Variants in GPR89A observed in about 807,000 individuals in gnomAD.
The protein encoded by GPR89A is golgi pH regulator A, also known as G protein-coupled receptor 89A.
In GPR89A, 16 loss-of-function variants were observed where a neutral mutation model predicts 52.0. That is an observed-to-expected ratio of 0.31 (90% CI 0.21 to 0.47). GPR89A has a LOEUF of 0.47. Among genes scored for constraint, GPR89A ranks in the 20% least tolerant of loss-of-function variants. The pLI is 1.00. For missense variants in GPR89A, 135 were observed against 449.4 expected (o/e 0.30, Z 6.33); for synonymous variants, 55 against 150.9 (o/e 0.36, Z 4.66).
intron 10 of GPR89A, among the ~76,000 whole-genome samples, chr1:145,649,763 C>G (rs1571523905): frequency 1.3e-5 from 2 of 149,886 alleles, no homozygotes; most frequent in Admixed American, 6.7e-5. Flanking sequence ...TACATTTCCA[C>G]CTGCACTGTG....
At chr1:145,636,881 C>T (rs1397515643) in intron 7 of GPR89A, among the ~76,000 whole-genome samples, 2 of 152,156 alleles carry the variant, frequency 1.3e-5, no homozygotes, top group Admixed American at 6.5e-5. Context: ...CCAGCACCCA[C>T]TCAAGTGTAC....
intron 9 of GPR89A, chr1:145,646,679 CTG>C (rs1184829857): frequency 8.7e-6 from 2 of 229,240 alleles, no homozygotes; most frequent in African/African-American, 4.6e-5. Context: ...AGTGTCGAAA[CTG>C]TAAGAAGTAA....
chr1:145,658,460 A>G (rs1651962835), intron 10 of GPR89A, among the ~76,000 whole-genome samples: 1 of 151,612 alleles, frequency 6.6e-6, no homozygotes, highest in Non-Finnish European at 1.5e-5. Flanking sequence ...TCCCCGACAC[A>G]CACACACACA....
chr1:145,616,149 G>A, intron 1 of GPR89A, 85 bp from the exon 2 acceptor site: 1 of 792,502 alleles, frequency 1.3e-6, no homozygotes, highest in Middle Eastern at 2.4e-4. Flanking sequence ...CGTCTAGTTA[G>A]CAGACCTTTT....
At chr1:145,620,177 G>A (rs56109613) in intron 3 of GPR89A, among the ~76,000 whole-genome samples, 77,786 of 151,776 alleles carry the variant, frequency 0.51, 21,957 homozygotes, top group African/African-American at 0.76. Flanking sequence ...GGGTTGGCAG[G>A]CTTTCTTCTG....
chr1:145,626,574 A>G (rs1180246376), intron 5 of GPR89A, among the ~76,000 whole-genome samples: 10 of 152,002 alleles, frequency 6.6e-5, no homozygotes, highest in Non-Finnish European at 1.5e-4. Context: ...GTAGCTGAGA[A>G]GCAACCAGCC....
chr1:145,650,953 C>T, intron 10 of GPR89A, among the ~76,000 whole-genome samples: 1 of 151,814 alleles, frequency 6.6e-6, no homozygotes, highest in East Asian at 1.9e-4. Context: ...TGTCTGTTCA[C>T]CCTGATGATA....
chr1:145,613,525 C>G (rs1341081863), intron 1 of GPR89A, among the ~76,000 whole-genome samples: 4 of 152,168 alleles, frequency 2.6e-5, no homozygotes, highest in South Asian at 2.1e-4. Context: ...CTTAAATAAC[C>G]CTCATCACCT....
In GPR89A at chr1:145,616,246, G is replaced by T. The variant is rs782563318; in HGVS notation, c.55G>T (p.Gly19Ter). The change falls in exon 2 of 14, where the codon GGA (glycine) becomes TGA (stop). Residue 19 changes from glycine to a stop codon, truncating the protein, a stop_gained. Coordinates refer to ENST00000313835, the MANE Select transcript of GPR89A (RefSeq NM_001097612.2). LOFTEE classifies it high-confidence loss of function. The part of the protein sequence containing the change: ...IMITSQILFF[G>*]FGWLFFMRQL... The stretch of plus-strand genomic sequence containing the variant: ...CTTTCTCCTCCAGATACTATTTTTT[G>T]GATTTGGGTGGCTTTTCTTCATGCG... 3.1e-6 allele frequency: 5 copies of T among 1,609,056 alleles called. No individual in the cohort carries two copies. The South Asian group carries it at 5.5e-5, about 18-fold the overall frequency.
intron 1 of GPR89A, among the ~76,000 whole-genome samples, chr1:145,615,662 A>G (rs1348652232): frequency 3.6e-5 from 4 of 111,358 alleles, no homozygotes; most frequent in African/African-American, 7.2e-5. Flanking sequence ...GTCTCACTCT[A>G]TCACCCAGGC....
intron 3 of GPR89A, among the ~76,000 whole-genome samples, chr1:145,621,748 A>G (rs1649153891): frequency 6.6e-6 from 1 of 152,140 alleles, no homozygotes; most frequent in South Asian, 2.1e-4. Flanking sequence ...TAATACAATT[A>G]AAAAATGAAT....
intron 3 of GPR89A, among the ~76,000 whole-genome samples, chr1:145,619,471 G>A (rs1482242664): frequency 5.9e-5 from 9 of 152,118 alleles, no homozygotes; most frequent in African/African-American, 1.9e-4. Context: ...AATTAGCAGA[G>A]TGTGGTAGTA....
rs782334927 is a variant in GPR89A, at chr1:145,608,317, G to T, written c.42+142G>T. On this transcript the variant is annotated intron_variant, in intron 1 of 13. Coordinates refer to ENST00000313835, the MANE Select transcript of GPR89A (RefSeq NM_001097612.2). Reference sequence around the variant, plus strand: ...CTAGTCACTCTGGCACCCAGAGAGGGTGTGCGATTTGCTGCGGCCGGTTCC... The same window carrying T: ...CTAGTCACTCTGGCACCCAGAGAGGTTGTGCGATTTGCTGCGGCCGGTTCC... The T allele has an allele frequency of 1.6e-5, 20 of 1,283,638 alleles. No homozygotes were observed. The Admixed American group carries it at 1.8e-4, about 11-fold the overall frequency. The allele number at this position is 1,283,638 out of a possible 1,614,324, so 79.5% of individuals were successfully genotyped here.
At chr1:145,658,422 A>G (rs1651958517) in intron 10 of GPR89A, among the ~76,000 whole-genome samples, 1 of 151,150 alleles carries the variant, frequency 6.6e-6, no homozygotes, top group East Asian at 2.0e-4. Context: ...CTGAGAAACA[A>G]AGGGAAACCC....
chr1:145,614,942 T>C (rs1233793527), intron 1 of GPR89A, among the ~76,000 whole-genome samples: 5 of 152,052 alleles, frequency 3.3e-5, no homozygotes, highest in Non-Finnish European at 7.4e-5. Context: ...GAAGCTAAAG[T>C]AGTCTGTGCT....
At position 145,665,560 on chromosome 1, in the gene GPR89A, A is replaced by C. The variant is rs1434968118; in HGVS notation, c.1006-2A>C. The C allele has an allele frequency of 1.1e-5, 12 of 1,051,708 alleles. No individual in the cohort carries two copies. The highest frequency in any genetic ancestry group is 1.5e-5 in the Non-Finnish European group (10 of 670,748). The allele number at this position is 1,051,708 out of a possible 1,614,324, so 65.1% of individuals were successfully genotyped here. On this transcript the variant is annotated splice_acceptor_variant, in intron 11 of 13. Transcript: ENST00000313835. LOFTEE classifies it high-confidence loss of function. ...AGATATTTTTTCTTGTTATGGTGGC[A>C]GGTGAAGTTTTGGTCCCAACACATT...
At chr1:145,628,912 A>C (rs1649703440) in intron 5 of GPR89A, among the ~76,000 whole-genome samples, 1 of 152,130 alleles carries the variant, frequency 6.6e-6, no homozygotes, top group Non-Finnish European at 1.5e-5. Context: ...CAAGAACAGA[A>C]TTTCTCTTAG....
intron 10 of GPR89A, among the ~76,000 whole-genome samples, chr1:145,652,356 G>A (rs587653824): frequency 7.2e-5 from 11 of 152,210 alleles, no homozygotes; most frequent in South Asian, 2.1e-4. Flanking sequence ...TGACTTGATC[G>A]TGGTAGATGA....
chr1:145,642,962 T>C (rs2784313), intron 7 of GPR89A, among the ~76,000 whole-genome samples: 1 of 152,074 alleles, frequency 6.6e-6, no homozygotes, highest in South Asian at 2.1e-4. Flanking sequence ...TTCCTGTTGA[T>C]TTATTCACCT....
Sources: gnomAD v4.1 joint callset for allele counts (sites outside exome capture counted in the v4.1 genomes callset) on GRCh38, gnomAD v4.1.1 for gene constraint, MANE v1.5 for transcripts, NCBI Gene and HGNC (gene_info 2026-07-23, HGNC 2026-07-21) for gene names.